PARD3B: variants seen among roughly 807,000 people sequenced by gnomAD.
PARD3B encodes the protein partitioning defective 3 homolog B.
Under a neutral mutation model 130.2 loss-of-function variants are expected in PARD3B, and 103 were observed. The observed-to-expected ratio is 0.79, with a 90% CI of 0.67 to 0.93. The LOEUF is 0.93. Ranked by LOEUF, PARD3B falls within the 40% of genes least tolerant of loss-of-function variation. The pLI, the probability that PARD3B is intolerant of heterozygous loss-of-function variation, is 0.00. For synonymous variants in PARD3B, 583 were observed against 553.2 expected, an observed-to-expected ratio of 1.05 and a Z score of -0.76; for missense variants, 1,609 against 1,499.2, an observed-to-expected ratio of 1.07 and a Z score of -1.21.
At chr2:205,329,068 T>C (rs1003284714) in intron 18 of PARD3B, among the ~76,000 whole-genome samples, 1 of 152,194 alleles carries the variant, frequency 6.6e-6, no homozygotes, top group Non-Finnish European at 1.5e-5. Flanking sequence ...CCCCTGCTCC[T>C]TCTCTGGCAT....
At chr2:205,211,628 A>C (rs1388997565) in intron 15 of PARD3B, among the ~76,000 whole-genome samples, 1 of 152,144 alleles carries the variant, frequency 6.6e-6, no homozygotes, top group East Asian at 1.9e-4. Context: ...TGGAAAGGCT[A>C]GTGTTTCAAT....
intron 21 of PARD3B, among the ~76,000 whole-genome samples, chr2:205,528,650 C>G (rs1422886846): frequency 6.6e-6 from 1 of 152,104 alleles, no homozygotes; most frequent in Non-Finnish European, 1.5e-5. Flanking sequence ...TGCCACCACA[C>G]CCAGCTAATT....
intron 18 of PARD3B, among the ~76,000 whole-genome samples, chr2:205,379,708 T>C (rs1011626229): frequency 6.6e-6 from 1 of 152,096 alleles, no homozygotes; most frequent in African/African-American, 2.4e-5. Flanking sequence ...ATCTTATATC[T>C]CTGCATTAAT....
At position 205,615,631 on chromosome 2, in the gene PARD3B, C is replaced by A; in HGVS notation, c.3436C>A (p.Pro1146Thr). The A allele has an allele frequency of 6.2e-7, 1 of 1,614,148 alleles. No homozygotes were observed. The highest frequency in any genetic ancestry group is 8.5e-7 in the Non-Finnish European group (1 of 1,180,032). ...DLRYPQHYPP[P>T]PAPQHKGPFR... is the part of the protein sequence containing the mutation. Reference sequence around the variant, plus strand: ...CCGGTATCCTCAGCACTACCCACCCCCGCCAGCTCCCCAGCACAAAGGACC... The same window carrying A: ...CCGGTATCCTCAGCACTACCCACCCACGCCAGCTCCCCAGCACAAAGGACC... The change falls in exon 23 of 23, where the codon CCG (proline) becomes ACG (threonine). Residue 1146 changes from proline to threonine, a missense_variant. Physicochemically the swap from Pro to Thr is conservative, Grantham distance 38. Transcript: ENST00000406610.
chr2:204,605,695 C>T (rs890674852), intron 1 of PARD3B, among the ~76,000 whole-genome samples: 2 of 152,110 alleles, frequency 1.3e-5, no homozygotes, highest in African/African-American at 4.8e-5. Flanking sequence ...TCTATCTGCA[C>T]CTTGCTTTTG....
Position 205,055,888 on chromosome 2 carries a change from C to T in PARD3B, c.504+8198C>T, listed in dbSNP as rs552135849. On this transcript the variant is annotated intron_variant, in intron 4 of 22. Coordinates refer to ENST00000406610, the MANE Select transcript of PARD3B (RefSeq NM_001302769.2). ...AATGCCACACACACAAAGGCAGCAG[C>T]GTAAATGCCTACATATGCGTATGTG... 1.4e-4 allele frequency among the ~76,000 whole-genome samples: 21 copies of T among 152,238 alleles called. No individual in the cohort carries two copies. The South Asian group carries it at 3.5e-3, about 26-fold the overall frequency.
In PARD3B at chr2:205,590,639, T is replaced by A. The variant is rs902897991; in HGVS notation, c.3261-24817T>A. Among the ~76,000 whole-genome samples the A allele has an allele frequency of 4.6e-5, 7 of 152,104 alleles. No homozygotes were observed. The highest frequency in any genetic ancestry group is 7.2e-5 in the African/African-American group (3 of 41,432). On this transcript the variant is annotated intron_variant, in intron 22 of 22. Transcript: ENST00000406610. This position sits in a 1 kb window ranked among gnomAD's most constrained non-coding sequence, Gnocchi z 4.1. ...TGATTCCCAAAAGAACAGAAGGCTGTCACCAGGATAAAGTAGGACAGATGC... is the reference window on the plus strand; with the variant it reads ...TGATTCCCAAAAGAACAGAAGGCTGACACCAGGATAAAGTAGGACAGATGC...
At position 205,490,621 on chromosome 2, in the gene PARD3B, A is replaced by G. The variant is rs541318344; in HGVS notation, c.3045-9275A>G. On this transcript the variant is annotated intron_variant, in intron 20 of 22. Coordinates refer to ENST00000406610, the MANE Select transcript of PARD3B (RefSeq NM_001302769.2). Reference sequence around the variant, plus strand: ...GCATGATTTATAATCCTTCAGGTATATACCCAGTAATGGGATGGCTGGGTC... The same window carrying G: ...GCATGATTTATAATCCTTCAGGTATGTACCCAGTAATGGGATGGCTGGGTC... Among the ~76,000 whole-genome samples the G allele has an allele frequency of 8.5e-4, 130 of 152,328 alleles. 1 individual carries two copies. Among genetic ancestry groups the G allele is most frequent in the Middle Eastern group, 3.4e-3 (1 of 294 alleles).
At chr2:204,704,941 C>T (rs2038064547) in intron 2 of PARD3B, among the ~76,000 whole-genome samples, 1 of 152,062 alleles carries the variant, frequency 6.6e-6, no homozygotes, top group South Asian at 2.1e-4. Context: ...AGAACTGGAG[C>T]GAGGCATTAT....
chr2:204,560,211 G>A (rs570737797), intron 1 of PARD3B, among the ~76,000 whole-genome samples: 2 of 152,156 alleles, frequency 1.3e-5, no homozygotes, highest in Non-Finnish European at 2.9e-5. Flanking sequence ...CATGTAATCA[G>A]TGAGGTCTCA....
intron 15 of PARD3B, among the ~76,000 whole-genome samples, chr2:205,195,499 G>A (rs1223833778): frequency 6.6e-6 from 1 of 152,216 alleles, no homozygotes; most frequent in Admixed American, 6.5e-5. Context: ...AGTCAAGTCA[G>A]GGAGCCTAAC....
At chr2:204,898,601 T>G (rs1010340210) in intron 2 of PARD3B, among the ~76,000 whole-genome samples, 1 of 152,104 alleles carries the variant, frequency 6.6e-6, no homozygotes, top group Non-Finnish European at 1.5e-5. Flanking sequence ...TGTGCAGACA[T>G]TGGGTGAAAC....
intron 18 of PARD3B, among the ~76,000 whole-genome samples, chr2:205,378,071 G>A (rs1044165345): frequency 6.6e-6 from 1 of 151,872 alleles, no homozygotes; most frequent in Non-Finnish European, 1.5e-5. Flanking sequence ...ATGCCCAGCT[G>A]GTGTAATCCA....
chr2:205,278,644 G>A (rs554226842), intron 16 of PARD3B, among the ~76,000 whole-genome samples: 4 of 152,180 alleles, frequency 2.6e-5, no homozygotes, highest in South Asian at 2.1e-4. Flanking sequence ...CCTCTTCCAC[G>A]ACAAATTAAT....
At chr2:204,888,455 T>G (rs1198810676) in intron 2 of PARD3B, among the ~76,000 whole-genome samples, 1 of 151,852 alleles carries the variant, frequency 6.6e-6, no homozygotes, top group East Asian at 1.9e-4. Flanking sequence ...TTAGAAGGTG[T>G]GAAGAGTGAC....
rs555746260 is a variant in PARD3B, at chr2:205,229,596, G to C, written c.2141-16182G>C. ...GGCCACTACGACTACCACTGGTACT[G>C]TTTGGGGTCAGACCTGAAGGCAGCA... On this transcript the variant is annotated intron_variant, in intron 15 of 22. Transcript: ENST00000406610. The surrounding 1 kb of genome is among the most constrained non-coding windows in gnomAD (Gnocchi z 5.2). Among the ~76,000 whole-genome samples the C allele has an allele frequency of 6.6e-6, 1 of 152,208 alleles. No individual in the cohort carries two copies. The highest frequency in any genetic ancestry group is 1.5e-5 in the Non-Finnish European group (1 of 68,022).
chr2:205,046,086 G>A (rs1698756507), intron 3 of PARD3B, among the ~76,000 whole-genome samples: 2 of 152,012 alleles, frequency 1.3e-5, no homozygotes, highest in African/African-American at 4.8e-5. Flanking sequence ...TGAGGATATT[G>A]CATTTAGACT....
At chr2:204,930,128 T>A (rs1687917516) in intron 2 of PARD3B, among the ~76,000 whole-genome samples, 1 of 152,056 alleles carries the variant, frequency 6.6e-6, no homozygotes, top group Non-Finnish European at 1.5e-5. Context: ...CTCTATGTAG[T>A]CCATTCTCTC....
intron 19 of PARD3B, among the ~76,000 whole-genome samples, chr2:205,414,504 C>G (rs2046708090): frequency 6.6e-6 from 1 of 152,036 alleles, no homozygotes; most frequent in South Asian, 2.1e-4. Context: ...GCCAAACATT[C>G]TTGCTTATTT....
Sources: allele counts gnomAD v4.1 joint callset (sites outside exome capture counted in the v4.1 genomes callset), GRCh38; gene constraint gnomAD v4.1.1; non-coding constraint Gnocchi (gnomAD v3.1); transcripts MANE v1.5; gene names NCBI Gene and HGNC (gene_info 2026-07-23, HGNC 2026-07-21).